The following EXPH5 variants were observed in gnomAD, a reference collection of about 807,000 sequenced individuals.
The protein encoded by EXPH5 is exophilin 5, also known as exophilin-5.
In EXPH5, 42 loss-of-function variants were observed where a neutral mutation model predicts 41.1. The observed-to-expected ratio is 1.02, with a 90% confidence interval of 0.80 to 1.32. The LOEUF is 1.32. EXPH5 is among the 40% of genes most tolerant of loss of function. The pLI, the probability that EXPH5 is intolerant of heterozygous loss-of-function variation, is 0.00. For missense variants in EXPH5, 2,298 were observed against 2,314.5 expected (o/e 0.99, Z 0.15); for synonymous variants, 798 against 833.5 (o/e 0.96, Z 0.73).
At chr11:108,550,040 A>G (rs2136053952) in intron 1 of EXPH5, among the ~76,000 whole-genome samples, 1 of 152,326 alleles carries the variant, frequency 6.6e-6, no homozygotes, top group Middle Eastern at 3.4e-3. Flanking sequence ...CAAAACAGAA[A>G]TAGTTCTGGC....
At chr11:108,577,389 T>A (rs2094083298) in intron 1 of EXPH5, among the ~76,000 whole-genome samples, 1 of 152,068 alleles carries the variant, frequency 6.6e-6, no homozygotes, top group African/African-American at 2.4e-5. Context: ...TTTTTGATAA[T>A]AGCCATTTTA....
intron 1 of EXPH5, among the ~76,000 whole-genome samples, chr11:108,548,331 T>C (rs567642007): frequency 6.6e-6 from 1 of 152,260 alleles, no homozygotes; most frequent in South Asian, 2.1e-4. Context: ...GCTAAGGCTG[T>C]TGGAAGTAAA....
rs761247174 is a variant in EXPH5 at position 108,510,726 on chromosome 11, C to T, written c.4781G>A (p.Arg1594Lys). The change falls in exon 6 of 6, where the codon AGA becomes AAA. Residue 1594 changes from arginine (R) to lysine (K), a missense_variant. Transcript: ENST00000265843. ...KGENRSSVKH[R>K]LAAMSKASRK... ...GCTGGCTTTAGACATGGCTGCCAAT[C>T]TGTGTTTAACTGAAGATCTATTTTC... is the stretch of plus-strand genomic sequence containing the variant. 3.4e-5 allele frequency: 55 copies of T among 1,614,088 alleles called. No homozygotes were observed. In the Middle Eastern group the frequency reaches 4.9e-4, roughly 14 times the overall value.
chr11:108,599,955 T>C, the EXPH5 span, among the ~76,000 whole-genome samples: 2 of 152,212 alleles, frequency 1.3e-5, no homozygotes, highest in African/African-American at 4.8e-5. Context: ...AAGACCTACA[T>C]TTGTTTGCTT....
intron 4 of EXPH5, among the ~76,000 whole-genome samples, chr11:108,526,726 A>C (rs1176020391): frequency 6.6e-6 from 1 of 152,238 alleles, no homozygotes; most frequent in East Asian, 1.9e-4. Context: ...CATGCTGTGG[A>C]GTTCCAAAAA....
At chr11:108,578,674 C>A (rs943303328) in intron 1 of EXPH5, among the ~76,000 whole-genome samples, 3 of 152,146 alleles carry the variant, frequency 2.0e-5, no homozygotes, top group African/African-American at 7.2e-5. Flanking sequence ...GCATGGGCAA[C>A]CTTTCCATTT....
intron 4 of EXPH5, among the ~76,000 whole-genome samples, chr11:108,520,976 C>T (rs11212696): frequency 6.6e-6 from 1 of 152,156 alleles, no homozygotes; most frequent in Non-Finnish European, 1.5e-5. Flanking sequence ...ACATTATCCA[C>T]CCCATGCCTT....
intron 1 of EXPH5, among the ~76,000 whole-genome samples, chr11:108,546,618 C>T (rs1038372227): frequency 1.3e-5 from 2 of 152,136 alleles, no homozygotes; most frequent in Non-Finnish European, 2.9e-5. Flanking sequence ...AAAAACTTAA[C>T]ATTACCAAAA....
At chr11:108,519,813 G>A (rs2093753136) in intron 4 of EXPH5, among the ~76,000 whole-genome samples, 2 of 151,672 alleles carry the variant, frequency 1.3e-5, no homozygotes, top group Non-Finnish European at 1.5e-5. Flanking sequence ...AGCTGGACAT[G>A]GTGGCAGATG....
At chr11:108,597,774 A>G (rs116321366), upstream of EXPH5, among the ~76,000 whole-genome samples, 271 of 152,356 alleles carry the variant, frequency 1.8e-3, 3 homozygotes, top group African/African-American at 6.1e-3. Flanking sequence ...CTTAGAAAAG[A>G]GAAAATTGAT....
At chr11:108,572,969 A>C (rs900063807) in intron 1 of EXPH5, among the ~76,000 whole-genome samples, 10 of 151,826 alleles carry the variant, frequency 6.6e-5, no homozygotes, top group Non-Finnish European at 1.3e-4. Flanking sequence ...TAATCCTAGC[A>C]GTCTGGGAGG....
chr11:108,560,491 A>G (rs572911948), intron 1 of EXPH5, among the ~76,000 whole-genome samples: 1 of 152,376 alleles, frequency 6.6e-6, no homozygotes, highest in Admixed American at 6.5e-5. Flanking sequence ...AAATTACTGC[A>G]GAATCACACG....
rs116435029 is a variant in EXPH5, at chr11:108,510,290, G to A, written c.5217C>T (p.Ser1739=). The part of the protein sequence containing the change: ...SGAPSPITFT[S]LREAEFSDNQ... ...TGTCAGAGAATTCTGCTTCCCTGAGGCTGGTGAATGTGATGGGTGATGGGG... is the reference window on the plus strand; with the variant it reads ...TGTCAGAGAATTCTGCTTCCCTGAGACTGGTGAATGTGATGGGTGATGGGG... The change falls in exon 6 of 6, where the codon AGC becomes AGT. Residue 1739 remains serine (S), a synonymous_variant. Transcript: ENST00000265843. 6.2e-7 allele frequency: 1 copy of A among 1,614,118 alleles called. No individual in the cohort carries two copies. The highest frequency in any genetic ancestry group is 8.5e-7 in the Non-Finnish European group (1 of 1,180,020).
At chr11:108,589,898 G>A (rs1172257495) in intron 1 of EXPH5, among the ~76,000 whole-genome samples, 2 of 152,108 alleles carry the variant, frequency 1.3e-5, no homozygotes, top group African/African-American at 4.8e-5. Context: ...GAGGTTATTG[G>A]GAGGATTAAT....
At chr11:108,593,824 T>C (rs7127516), upstream of EXPH5, 16,801 of 1,362,078 alleles carry the variant, frequency 0.012, 706 homozygotes, top group African/African-American at 0.13. Context: ...GGCCCTCCCT[T>C]GTCCCCTCCC....
At chr11:108,559,538 T>A (rs1565822021) in intron 1 of EXPH5, among the ~76,000 whole-genome samples, 1 of 152,236 alleles carries the variant, frequency 6.6e-6, no homozygotes, top group Non-Finnish European at 1.5e-5. Flanking sequence ...ATATTGTTCA[T>A]GGCTTCTTTC....
At chr11:108,537,999 A>G in intron 3 of EXPH5, 1 of 985,418 alleles carries the variant, frequency 1.0e-6, no homozygotes, top group South Asian at 4.7e-5. Context: ...TGACTCTGGT[A>G]GCTACAGTCA....
At chr11:108,528,781 C>T (rs2135985324) in intron 3 of EXPH5, among the ~76,000 whole-genome samples, 1 of 145,506 alleles carries the variant, frequency 6.9e-6, no homozygotes, top group Non-Finnish European at 1.5e-5. Context: ...CGGCTCACTG[C>T]AACCTCCGCC....
upstream of EXPH5, among the ~76,000 whole-genome samples, chr11:108,598,483 GTAAA>G (rs2136137343): frequency 1.3e-5 from 2 of 152,202 alleles, no homozygotes; most frequent in South Asian, 4.1e-4. Flanking sequence ...TAATACATTA[GTAAA>G]TAAATAAAAA....
Sources: allele counts gnomAD v4.1 joint callset (sites outside exome capture counted in the v4.1 genomes callset), GRCh38; gene constraint gnomAD v4.1.1; transcripts MANE v1.5; gene names NCBI Gene and HGNC (gene_info 2026-07-23, HGNC 2026-07-21).